Variants in LMX1A observed in about 807,000 individuals in gnomAD.
The protein encoded by LMX1A is LIM homeobox transcription factor 1 alpha.
A neutral mutation model predicts 49.1 loss-of-function variants in LMX1A; 15 were observed. The observed-to-expected ratio is 0.31, with a 90% CI of 0.20 to 0.47. The LOEUF (loss-of-function observed/expected upper bound fraction) is 0.47. Among genes scored for constraint, LMX1A ranks in the 20% least tolerant of loss-of-function variants. LMX1A has a pLI of 1.00. For missense variants in LMX1A, 372 were observed against 475.8 expected (o/e 0.78, Z 2.03); for synonymous variants, 167 against 185.7 (o/e 0.90, Z 0.82).
At chr1:165,236,486 A>G (rs1395464194) in intron 4 of LMX1A, among the ~76,000 whole-genome samples, 2 of 152,092 alleles carry the variant, frequency 1.3e-5, no homozygotes, top group Non-Finnish European at 2.9e-5. Flanking sequence ...TGCATTTCCA[A>G]TAAACAATAA....
At chr1:165,336,290 A>G (rs1655896021) in intron 3 of LMX1A, among the ~76,000 whole-genome samples, 2 of 152,266 alleles carry the variant, frequency 1.3e-5, no homozygotes, top group Non-Finnish European at 2.9e-5. Flanking sequence ...CCTAATTAAA[A>G]GTACTTAATA....
intron 3 of LMX1A, among the ~76,000 whole-genome samples, chr1:165,326,206 G>C (rs535048930): frequency 1.8e-4 from 28 of 152,314 alleles, no homozygotes; most frequent in Admixed American, 7.8e-4. Context: ...GAGGGGAAGG[G>C]GGGTAGATGA....
intron 3 of LMX1A, among the ~76,000 whole-genome samples, chr1:165,250,722 A>T (rs1298128953): frequency 6.6e-6 from 1 of 152,246 alleles, no homozygotes; most frequent in Non-Finnish European, 1.5e-5. Flanking sequence ...GAAGAAACAG[A>T]CATATCCAAA....
Position 165,355,264 on chromosome 1 carries a change from A to G in LMX1A, c.76+220T>C, listed in dbSNP as rs1203739443. Among the ~76,000 whole-genome samples the G allele has an allele frequency of 1.3e-5, 2 of 152,042 alleles. No homozygotes were observed. Among genetic ancestry groups the G allele is most frequent in the Admixed American group, 1.3e-4 (2 of 15,274 alleles). ...CGCCCGCCCCTCGCGGCTTTGGGGAATTCGGTGCCCAGTGCGTGAGGCCTG... is the reference window on the plus strand; with the variant it reads ...CGCCCGCCCCTCGCGGCTTTGGGGAGTTCGGTGCCCAGTGCGTGAGGCCTG... On this transcript the variant is annotated intron_variant, in intron 2 of 8. Transcript: ENST00000342310. This position sits in a 1 kb window ranked among gnomAD's most constrained non-coding sequence, Gnocchi z 4.7.
chr1:165,231,287 C>T (rs1652231130), intron 4 of LMX1A, among the ~76,000 whole-genome samples: 1 of 138,768 alleles, frequency 7.2e-6, no homozygotes, highest in Admixed American at 7.2e-5. Flanking sequence ...TAGAAACTGG[C>T]TTAGTTTTTT....
intron 3 of LMX1A, among the ~76,000 whole-genome samples, chr1:165,267,598 G>A (rs1653665514): frequency 6.6e-6 from 1 of 152,104 alleles, no homozygotes; most frequent in African/African-American, 2.4e-5. Flanking sequence ...CTTGTGGGGA[G>A]GATAAGAACA....
chr1:165,290,808 A>T (rs1175329225), intron 3 of LMX1A, among the ~76,000 whole-genome samples: 1 of 152,206 alleles, frequency 6.6e-6, no homozygotes, highest in African/African-American at 2.4e-5. Flanking sequence ...TTTTTTGGAA[A>T]GGTAAATTCT....
intron 3 of LMX1A, among the ~76,000 whole-genome samples, chr1:165,263,330 C>A (rs1329238352): frequency 1.3e-5 from 2 of 152,198 alleles, no homozygotes; most frequent in African/African-American, 4.8e-5. Context: ...GATCTTTTCC[C>A]ACCCACCTCA....
intron 3 of LMX1A, among the ~76,000 whole-genome samples, chr1:165,267,546 G>A (rs1429294518): frequency 6.6e-6 from 1 of 152,166 alleles, no homozygotes; most frequent in Non-Finnish European, 1.5e-5. Flanking sequence ...TACCTAGGAT[G>A]AAGTTTTAAT....
rs191269125 is a variant in LMX1A, at chr1:165,204,053, T to G, written c.989-13A>C. ...AGGGGCTCGGCACCTGAAATGGAGA[T>G]GAAACACTGGCATGAGGGTCTTGAA... On this transcript the variant is annotated splice_polypyrimidine_tract_variant and intron_variant, in intron 8 of 8. Transcript: ENST00000342310. The G allele has an allele frequency of 5.0e-6, 8 of 1,613,550 alleles. No individual in the cohort carries two copies. The highest frequency in any genetic ancestry group is 1.1e-5 in the South Asian group (1 of 91,036).
chr1:165,208,274 G>A, intron 6 of LMX1A, 142 bp from the exon 7 acceptor site: 1 of 673,490 alleles, frequency 1.5e-6, no homozygotes, highest in South Asian at 1.8e-5. Flanking sequence ...AGGAGCAACA[G>A]TGGCCAGCCC....
chr1:165,297,819 C>T (rs1456740826), intron 3 of LMX1A, among the ~76,000 whole-genome samples: 3 of 152,172 alleles, frequency 2.0e-5, no homozygotes, highest in African/African-American at 7.2e-5. Context: ...AACTGAGCCC[C>T]ATCATCGGCA....
intron 3 of LMX1A, among the ~76,000 whole-genome samples, chr1:165,277,207 G>C (rs1000367695): frequency 1.3e-5 from 2 of 152,222 alleles, no homozygotes; most frequent in Non-Finnish European, 2.9e-5. Context: ...TGGGCTGGTG[G>C]AACTGCAAAT....
At chr1:165,344,820 A>C (rs1656184051) in intron 3 of LMX1A, among the ~76,000 whole-genome samples, 1 of 152,184 alleles carries the variant, frequency 6.6e-6, no homozygotes, top group Non-Finnish European at 1.5e-5. Flanking sequence ...AAACTGCAAA[A>C]ACTAACACCT....
At chr1:165,273,089 G>A (rs1405595147) in intron 3 of LMX1A, among the ~76,000 whole-genome samples, 1 of 152,180 alleles carries the variant, frequency 6.6e-6, no homozygotes, top group Non-Finnish European at 1.5e-5. Context: ...GTGCTCTCCT[G>A]GCTCAGGCAA....
chr1:165,260,924 C>A (rs908383099), intron 3 of LMX1A, among the ~76,000 whole-genome samples: 1 of 152,192 alleles, frequency 6.6e-6, no homozygotes, highest in African/African-American at 2.4e-5. Context: ...TCTCAAAGCA[C>A]ATGCAATCTT....
intron 3 of LMX1A, among the ~76,000 whole-genome samples, chr1:165,333,659 A>G (rs1203492823): frequency 6.6e-6 from 1 of 152,140 alleles, no homozygotes; most frequent in South Asian, 2.1e-4. Context: ...TGTTCTCTAC[A>G]TGTTTTATTT....
intron 3 of LMX1A, among the ~76,000 whole-genome samples, chr1:165,290,463 T>G (rs531404142): frequency 3.2e-4 from 49 of 152,244 alleles, no homozygotes; most frequent in African/African-American, 1.2e-3. Flanking sequence ...TGTGTGTGTG[T>G]GTTTGTAAAA....
rs151282635 is a variant in LMX1A, at chr1:165,274,514, T to G, written c.264-24874A>C. ...TTGGGGCATAGAAGCAAGGACTTAT[T>G]GCTGATTCTGAGAGCTAAGGAATGG... On this transcript the variant is annotated intron_variant, in intron 3 of 8. Coordinates refer to ENST00000342310, the MANE Select transcript of LMX1A (RefSeq NM_177398.4). 2.0e-5 allele frequency among the ~76,000 whole-genome samples: 3 copies of G among 152,322 alleles called. No individual in the cohort carries two copies. In the East Asian group the frequency reaches 5.8e-4, roughly 29 times the overall value.
Sources: allele counts gnomAD v4.1 joint callset (sites outside exome capture counted in the v4.1 genomes callset), GRCh38; gene constraint gnomAD v4.1.1; non-coding constraint Gnocchi (gnomAD v3.1); transcripts MANE v1.5; gene names NCBI Gene and HGNC (gene_info 2026-07-23, HGNC 2026-07-21).